BCL6: variants seen among roughly 807,000 people sequenced by gnomAD.
BCL6 encodes the protein BCL6 transcription repressor.
Under a neutral mutation model 59.5 loss-of-function variants are expected in BCL6, and 7 were observed. That is an observed-to-expected ratio of 0.12 (90% CI 0.07 to 0.22). The LOEUF (loss-of-function observed/expected upper bound fraction) is 0.22, where lower values mean the gene tolerates loss of function less well. Ranked by LOEUF, BCL6 falls within the 10% of genes least tolerant of loss-of-function variation. The pLI is 1.00. For synonymous variants in BCL6, 339 were observed against 349.7 expected (o/e 0.97, Z 0.34); for missense variants, 685 against 939.4 (o/e 0.73, Z 3.54).
chr3:187,729,927 G>A lies in BCL6; in HGVS notation c.478C>T (p.Arg160Cys), dbSNP rs778509539. 4.3e-6 allele frequency: 7 copies of A among 1,613,814 alleles called. No individual in the cohort carries two copies. Among genetic ancestry groups the A allele is most frequent in the African/African-American group, 2.7e-5 (2 of 74,916 alleles). Reference protein sequence around the residue: ...MPQDIMAYRGREVVENNLPLR... With the variant: ...MPQDIMAYRGCEVVENNLPLR... ...GGCAGGTTGTTCTCCACCACCTCAC[G>A]ACCCCGATAGGCCATGATGTCTTGG... The change falls in exon 5 of 10, where the codon CGT becomes TGT. Residue 160 changes from arginine (R) to cysteine (C), a missense_variant. Arg to Cys is a radical substitution (Grantham distance 180, BLOSUM62 -3). This residue lies in a region of BCL6 where 268 missense variants were observed against 263.8 expected (regional missense o/e 1.02). Transcript: ENST00000406870. The surrounding 1 kb of genome is among the most constrained non-coding windows in gnomAD (Gnocchi z 5.6).
chr3:187,743,961 G>A (rs2108482654), intron 1 of BCL6, among the ~76,000 whole-genome samples: 1 of 152,176 alleles, frequency 6.6e-6, no homozygotes, highest in East Asian at 1.9e-4. Flanking sequence ...CTCAGCCACG[G>A]CCACAAAGTG....
chr3:187,741,442 C>T (rs970394873), intron 1 of BCL6, among the ~76,000 whole-genome samples: 2 of 152,150 alleles, frequency 1.3e-5, no homozygotes, highest in African/African-American at 4.8e-5. Flanking sequence ...AGGAAAGGGG[C>T]GCTGGGGGCC....
At chr3:187,737,941 A>G (rs1157707062) in intron 1 of BCL6, 2 of 151,832 alleles carry the variant, frequency 1.3e-5, no homozygotes, top group Non-Finnish European at 2.9e-5. Context: ...GGCAGCCGCC[A>G]GGATCGCTGC....
At chr3:187,745,286 G>GC in intron 1 of BCL6, 124 bp downstream of exon 1, 1 of 393,148 alleles carries the variant, frequency 2.5e-6, no homozygotes, top group Non-Finnish European at 4.5e-6. Context: ...GGCAAGAGCG[G>GC]AAAAAAAAAG....
chr3:187,744,038 G>T (rs949154604), intron 1 of BCL6, among the ~76,000 whole-genome samples: 2 of 152,086 alleles, frequency 1.3e-5, no homozygotes, highest in Non-Finnish European at 2.9e-5. Context: ...CTTTCTCCTC[G>T]CCCAAGGTAA....
intron 2 of BCL6, 129 bp from the exon 3 acceptor site, chr3:187,733,832 G>C: frequency 1.1e-6 from 1 of 900,336 alleles, no homozygotes; most frequent in Non-Finnish European, 1.8e-6. Flanking sequence ...TTTGATCTTT[G>C]AACAATTCAT....
chr3:187,723,323 C>T (rs1718515650), intron 9 of BCL6, among the ~76,000 whole-genome samples: 1 of 150,774 alleles, frequency 6.6e-6, no homozygotes, highest in Admixed American at 6.6e-5. Context: ...ATAAAAGTTA[C>T]TTAAAAGTAA....
At chr3:187,733,084 C>T (rs1719122410) in intron 3 of BCL6, among the ~76,000 whole-genome samples, 1 of 152,202 alleles carries the variant, frequency 6.6e-6, no homozygotes, top group African/African-American at 2.4e-5. Context: ...CTCTCACTAA[C>T]TCTTGCATAT....
rs1464515353 is a variant in BCL6, at chr3:187,729,425, C to A, written c.980G>T (p.Gly327Val). The change falls in exon 5 of 10, where the codon GGT becomes GTT. Residue 327 changes from glycine to valine, a missense_variant. Physicochemically the swap from Gly to Val is moderately radical, Grantham distance 109. Around this residue, in one of 7 missense-constraint regions of BCL6, gnomAD observed 268 missense variants for 263.8 expected, o/e 1.02. Coordinates refer to ENST00000406870, the MANE Select transcript of BCL6 (RefSeq NM_001706.5). This position sits in a 1 kb window ranked among gnomAD's most constrained non-coding sequence, Gnocchi z 5.6. The stretch of plus-strand genomic sequence containing the variant: ...CTGGGGGCTCTGTGGACTAACCAGA[C>A]CCTTCCGGTTCAGGGGTGCATTGGG... ...EPPNAPLNRK[G>V]LVSPQSPQKS... 5.0e-6 allele frequency: 8 copies of A among 1,611,018 alleles called. No homozygotes were observed. Among genetic ancestry groups the A allele is most frequent in the Middle Eastern group, 3.3e-4 (2 of 6,044 alleles).
Position 187,722,331 on chromosome 3 carries a change from CA to C in BCL6, c.*126del. On this transcript the variant is annotated 3_prime_UTR_variant, in exon 10 of 10. Transcript: ENST00000406870. The stretch of plus-strand genomic sequence containing the variant: ...CCCGACCCCCACCACCCCCAACCCC[CA>C]GCTATGATTTGCACTAGTGGATGAA... 1.2e-6 allele frequency: 1 copy of C among 864,906 alleles called. No homozygotes were observed. 53.6% of individuals were successfully genotyped at this position (864,906 alleles called of 1,614,324 possible).
At chr3:187,741,862 G>A (rs1560159082) in intron 1 of BCL6, among the ~76,000 whole-genome samples, 1 of 151,968 alleles carries the variant, frequency 6.6e-6, no homozygotes, top group Admixed American at 6.5e-5. Flanking sequence ...TCACTATCTC[G>A]GTATCAGACA....
At position 187,722,309 on chromosome 3, in the gene BCL6, GA is replaced by G. The variant is rs2108553085; in HGVS notation, c.*148del. The G allele has an allele frequency of 5.8e-5, 4 of 68,662 alleles. No individual in the cohort carries two copies. The highest frequency in any genetic ancestry group is 3.6e-4 in the East Asian group (1 of 2,782). The allele number at this position is 68,662 out of a possible 1,614,324, so 4.3% of individuals were successfully genotyped here. ...TGCGGCTCCCAGTCCCCCAGGCCCC[GA>G]CCCCCACCACCCCCAACCCCCAGCT... is the stretch of plus-strand genomic sequence containing the variant. On this transcript the variant is annotated 3_prime_UTR_variant, in exon 10 of 10. Coordinates refer to ENST00000406870, the MANE Select transcript of BCL6 (RefSeq NM_001706.5).
chr3:187,724,361 G>A (rs368143118), intron 9 of BCL6, among the ~76,000 whole-genome samples: 64 of 152,242 alleles, frequency 4.2e-4, no homozygotes, highest in Middle Eastern at 3.4e-3. Context: ...TATAGCTGCC[G>A]AGACCCCGCC....
intron 1 of BCL6, among the ~76,000 whole-genome samples, chr3:187,744,913 A>C (rs1711840606): frequency 6.6e-6 from 1 of 152,272 alleles, no homozygotes; most frequent in East Asian, 1.9e-4. Context: ...AAAGAGCGAG[A>C]GCGCGAGCGC....
chr3:187,726,724 G>A lies in BCL6; in HGVS notation c.1708+7C>T. The A allele has an allele frequency of 6.2e-7, 1 of 1,613,334 alleles. No individual in the cohort carries two copies. The highest frequency in any genetic ancestry group is 8.5e-7 in the Non-Finnish European group (1 of 1,179,696). On this transcript the variant is annotated splice_region_variant and intron_variant, in intron 7 of 9. Transcript: ENST00000406870. ...GAGAGTTCGGGTCGTGTGGGGCAGG[G>A]CCATACCGGTATGGACGGTCTTGTG...
At chr3:187,732,503 AGGTGCCATGCTGTCT>A (rs1719095966) in intron 3 of BCL6, 1 of 211,380 alleles carries the variant, frequency 4.7e-6, no homozygotes, top group Non-Finnish European at 1.0e-5. Flanking sequence ...CAATGCCTCC[AGGTGCCATGCTGTCT>A]GGTGGTGGAA....
At chr3:187,724,852 C>T (rs1560146789) in intron 9 of BCL6, 89 bp downstream of exon 9, 2 of 1,466,256 alleles carry the variant, frequency 1.4e-6, no homozygotes, top group Non-Finnish European at 1.8e-6. Context: ...CCACTGCCTC[C>T]CTGCTCCACC....
rs1718628047 is a variant in BCL6 at position 187,725,355 on chromosome 3, TCCTGCCCGCTCTGCTCA to T, written c.1839+127_1839+143del. ...CACACGGGGACTGAGTGGGACTTTC[TCCTGCCCGCTCTGCTCA>T]CCTGCCCGCTCCGCTTGCCTGCCCG... On this transcript the variant is annotated intron_variant, in intron 8 of 9. Coordinates refer to ENST00000406870, the MANE Select transcript of BCL6 (RefSeq NM_001706.5). This position sits in a 1 kb window ranked among gnomAD's most constrained non-coding sequence, Gnocchi z 4.7. 3 of 1,470,680 alleles carry T rather than the reference TCCTGCCCGCTCTGCTCA, an allele frequency of 2.0e-6. No individual in the cohort carries two copies. Among genetic ancestry groups the T allele is most frequent in the Non-Finnish European group, 2.7e-6 (3 of 1,101,044 alleles). 91.1% of individuals were successfully genotyped at this position (1,470,680 alleles called of 1,614,324 possible). A position where few individuals can be genotyped will look rare whatever the true frequency, so the allele number is the denominator to read the frequency against.
chr3:187,738,925 T>C (rs1181542510), intron 1 of BCL6, among the ~76,000 whole-genome samples: 1 of 152,118 alleles, frequency 6.6e-6, no homozygotes, highest in Non-Finnish European at 1.5e-5. Context: ...AGTAAGTGCA[T>C]TTATTGGAAA....
Sources: allele counts gnomAD v4.1 joint callset (sites outside exome capture counted in the v4.1 genomes callset), GRCh38; gene constraint gnomAD v4.1.1; regional missense constraint gnomAD v4.1.1; non-coding constraint Gnocchi (gnomAD v3.1); transcripts MANE v1.5; gene names NCBI Gene and HGNC (gene_info 2026-07-23, HGNC 2026-07-21).